PTPRT: variants seen among roughly 807,000 people sequenced by gnomAD.
PTPRT encodes the protein protein tyrosine phosphatase receptor type T.
A neutral mutation model predicts 176.8 loss-of-function variants in PTPRT; 56 were observed. The observed-to-expected ratio is 0.32, with a 90% CI of 0.26 to 0.40. The LOEUF (loss-of-function observed/expected upper bound fraction) is 0.40, where lower values mean the gene tolerates loss of function less well. Ranked by LOEUF, PTPRT falls within the 10% of genes least tolerant of loss-of-function variation. PTPRT has a pLI of 1.00. For missense variants in PTPRT, 1,540 were observed against 1,908.2 expected (o/e 0.81, Z 3.60); for synonymous variants, 783 against 739.0 (o/e 1.06, Z -0.96).
At chr20:42,528,146 T>C (rs2072311679) in intron 7 of PTPRT, among the ~76,000 whole-genome samples, 1 of 152,146 alleles carries the variant, frequency 6.6e-6, no homozygotes, top group Admixed American at 6.5e-5. Context: ...TTCTTCCAGC[T>C]CTCGGGTGTT....
At position 42,269,642 on chromosome 20, in the gene PTPRT, G is replaced by C. The variant is rs139929650; in HGVS notation, c.2176+12847C>G. ...ATGGTACACTTGAGGAAAGGGGCTGGTATTCACTTCAAACAAATACAGACT... is the reference window on the plus strand; with the variant it reads ...ATGGTACACTTGAGGAAAGGGGCTGCTATTCACTTCAAACAAATACAGACT... On this transcript the variant is annotated intron_variant, in intron 13 of 30. Transcript: ENST00000373187. 2.8e-4 allele frequency among the ~76,000 whole-genome samples: 42 copies of C among 152,294 alleles called. 1 individual carries two copies. The East Asian group carries it at 7.7e-3, about 28-fold the overall frequency.
intron 9 of PTPRT, among the ~76,000 whole-genome samples, chr20:42,356,512 C>T (rs1354655689): frequency 6.6e-6 from 1 of 152,004 alleles, no homozygotes; most frequent in Non-Finnish European, 1.5e-5. Context: ...CTGACCAACA[C>T]AGAGAAACCC....
At chr20:42,608,246 C>G (rs1051632593) in intron 7 of PTPRT, among the ~76,000 whole-genome samples, 10 of 152,134 alleles carry the variant, frequency 6.6e-5, no homozygotes, top group African/African-American at 1.9e-4. Context: ...AGCCCCTGCC[C>G]CAGTCCCCTT....
chr20:42,295,390 T>C (rs949909635), intron 12 of PTPRT, among the ~76,000 whole-genome samples: 1 of 152,196 alleles, frequency 6.6e-6, no homozygotes, highest in South Asian at 2.1e-4. Context: ...AGCAAAGCTA[T>C]GGAAAAGTAG....
At chr20:42,111,700 G>A (rs1384774246) in intron 22 of PTPRT, among the ~76,000 whole-genome samples, 4 of 152,152 alleles carry the variant, frequency 2.6e-5, no homozygotes. Context: ...TCCATTTGAT[G>A]GATCAGGAAA....
chr20:42,836,880 T>C (rs1469315579), intron 2 of PTPRT, among the ~76,000 whole-genome samples: 1 of 152,210 alleles, frequency 6.6e-6, no homozygotes, highest in African/African-American at 2.4e-5. Context: ...AGAAATTAAC[T>C]ATTACGTGCT....
In PTPRT at chr20:43,019,305, G is replaced by T. The variant is rs534078744; in HGVS notation, c.89-133373C>A. 3.3e-5 allele frequency among the ~76,000 whole-genome samples: 5 copies of T among 152,244 alleles called. No individual in the cohort carries two copies. The South Asian group carries it at 1.0e-3, about 32-fold the overall frequency. ...CATTTCTGCTAAAAGGGAAGCCAAG[G>T]TGGTTTGGCATTTGATTAGAATAAT... is the stretch of plus-strand genomic sequence containing the variant. On this transcript the variant is annotated intron_variant, in intron 1 of 30. Coordinates refer to ENST00000373187, the MANE Select transcript of PTPRT (RefSeq NM_007050.6).
chr20:43,005,446 C>T (rs1230970084), intron 1 of PTPRT, among the ~76,000 whole-genome samples: 2 of 152,110 alleles, frequency 1.3e-5, no homozygotes, highest in Non-Finnish European at 2.9e-5. Context: ...ACAGGCTTTT[C>T]TGTCCTTCAA....
chr20:42,212,018 A>ATTGTTTT lies in PTPRT; in HGVS notation c.2343-12631_2343-12630insAAAACAA, dbSNP rs1449475163. ...TGTAGGGACATGGATGAAACTGGAA[A>ATTGTTTT]ACATCATTCTCAGTAAACTATCACA... On this transcript the variant is annotated intron_variant, in intron 15 of 30. Transcript: ENST00000373187. 5.2e-5 allele frequency among the ~76,000 whole-genome samples: 4 copies of ATTGTTTT among 77,362 alleles called. No individual in the cohort carries two copies. In the East Asian group the frequency reaches 1.8e-3, roughly 34 times the overall value. 50.8% of individuals were successfully genotyped at this position (77,362 alleles called of 152,430 possible). A position where few individuals can be genotyped will look rare whatever the true frequency, so the allele number is the denominator to read the frequency against.
At chr20:42,531,303 A>C (rs2072379793) in intron 7 of PTPRT, among the ~76,000 whole-genome samples, 1 of 152,248 alleles carries the variant, frequency 6.6e-6, no homozygotes, top group Admixed American at 6.5e-5. Context: ...TTAAAAATTT[A>C]CCTATGGGGT....
intron 12 of PTPRT, among the ~76,000 whole-genome samples, chr20:42,310,457 C>A (rs554013781): frequency 1.3e-5 from 2 of 152,246 alleles, no homozygotes; most frequent in Admixed American, 1.3e-4. Context: ...CAAACCAATA[C>A]AAGTGGCTAC....
At chr20:42,826,444 A>G (rs994560217) in intron 2 of PTPRT, among the ~76,000 whole-genome samples, 14 of 152,242 alleles carry the variant, frequency 9.2e-5, no homozygotes, top group Non-Finnish European at 1.9e-4. Context: ...AATCTCTTAA[A>G]TATGAATGGA....
chr20:42,354,060 AT>A (rs537062964), intron 9 of PTPRT, among the ~76,000 whole-genome samples: 4 of 146,910 alleles, frequency 2.7e-5, no homozygotes, highest in African/African-American at 9.8e-5. Flanking sequence ...TCTCTAAAAA[AT>A]TAAAAAAAAA....
intron 11 of PTPRT, among the ~76,000 whole-genome samples, chr20:42,324,263 G>A (rs1307555199): frequency 2.0e-5 from 3 of 152,120 alleles, no homozygotes; most frequent in South Asian, 2.1e-4. Context: ...GAAATAAGAC[G>A]TAGAAGACTA....
intron 6 of PTPRT, among the ~76,000 whole-genome samples, chr20:42,743,779 A>G (rs1317452526): frequency 6.6e-6 from 1 of 152,192 alleles, no homozygotes; most frequent in Non-Finnish European, 1.5e-5. Flanking sequence ...CATCGATTAC[A>G]TTGGGAACCC....
chr20:42,984,194 G>C (rs1319798269), intron 1 of PTPRT, among the ~76,000 whole-genome samples: 1 of 152,192 alleles, frequency 6.6e-6, no homozygotes, highest in Non-Finnish European at 1.5e-5. Context: ...ACAAACATGA[G>C]TGTATATGCA....
At chr20:42,234,732 G>C (rs1369511696) in intron 15 of PTPRT, among the ~76,000 whole-genome samples, 1 of 152,182 alleles carries the variant, frequency 6.6e-6, no homozygotes. Flanking sequence ...AACATAATGT[G>C]CATGTTCAAA....
intron 7 of PTPRT, among the ~76,000 whole-genome samples, chr20:42,649,225 G>A (rs114526037): frequency 0.027 from 4,135 of 152,154 alleles, 228 homozygotes; most frequent in African/African-American, 0.095. Flanking sequence ...ATGGCGACAG[G>A]CAAAGAGGGA....
intron 7 of PTPRT, among the ~76,000 whole-genome samples, chr20:42,600,267 A>C (rs2073753328): frequency 6.6e-6 from 1 of 151,854 alleles, no homozygotes; most frequent in African/African-American, 2.4e-5. Flanking sequence ...AGCCTCCTGA[A>C]TAGCTGGGAC....
Sources: allele counts gnomAD v4.1 joint callset (sites outside exome capture counted in the v4.1 genomes callset), GRCh38; gene constraint gnomAD v4.1.1; transcripts MANE v1.5; gene names NCBI Gene and HGNC (gene_info 2026-07-23, HGNC 2026-07-21).